Variants in CDC73 observed in about 807,000 individuals in gnomAD.
The protein encoded by CDC73 is cell division cycle 73, also known as parafibromin.
A neutral mutation model predicts 83.7 loss-of-function variants in CDC73; 21 were observed. That is an observed-to-expected ratio of 0.25 (90% CI 0.18 to 0.36). The LOEUF is 0.36. CDC73 is among the 10% of genes least tolerant of loss of function. The pLI is 1.00. For synonymous variants in CDC73, 224 were observed against 212.9 expected (o/e 1.05, Z -0.45); for missense variants, 342 against 653.3 (o/e 0.52, Z 5.19).
intron 15 of CDC73, among the ~76,000 whole-genome samples, chr1:193,244,339 G>C (rs1677914075): frequency 6.6e-6 from 1 of 152,166 alleles, no homozygotes; most frequent in Admixed American, 6.5e-5. Flanking sequence ...AAACTTTCCA[G>C]TGGCTTACTA....
At chr1:193,139,933 G>T (rs1675875394) in intron 6 of CDC73, among the ~76,000 whole-genome samples, 1 of 152,178 alleles carries the variant, frequency 6.6e-6, no homozygotes, top group Admixed American at 6.5e-5. Flanking sequence ...CACTTGGGTG[G>T]TTCTTTATTC....
At chr1:193,166,745 C>G (rs567328476) in intron 10 of CDC73, among the ~76,000 whole-genome samples, 1 of 151,064 alleles carries the variant, frequency 6.6e-6, no homozygotes, top group Non-Finnish European at 1.5e-5. Flanking sequence ...ATACCAGGTT[C>G]AAGCGATTGT....
chr1:193,203,917 A>G (rs1263805918), intron 11 of CDC73, 65 bp downstream of exon 11: 3 of 1,251,260 alleles, frequency 2.4e-6, no homozygotes, highest in African/African-American at 1.5e-5. Context: ...AGTTTTTAGT[A>G]TGCGTATAAT....
At chr1:193,187,610 G>A (rs1010346797) in intron 10 of CDC73, among the ~76,000 whole-genome samples, 4 of 152,230 alleles carry the variant, frequency 2.6e-5, no homozygotes, top group South Asian at 4.1e-4. Context: ...TTCAGTCCTA[G>A]AAAGTTATAG....
At chr1:193,249,973 C>A in intron 16 of CDC73, 102 bp downstream of exon 16, 1 of 1,071,854 alleles carries the variant, frequency 9.3e-7, no homozygotes, top group South Asian at 1.3e-5. Flanking sequence ...TTCCCTAATT[C>A]CCTTCTTTCA....
intron 10 of CDC73, among the ~76,000 whole-genome samples, chr1:193,172,692 A>G (rs1676536004): frequency 6.6e-6 from 1 of 152,148 alleles, no homozygotes; most frequent in Non-Finnish European, 1.5e-5. Context: ...TGAAGACTAC[A>G]GTTACCTGGC....
chr1:193,128,131 A>G (rs1371976007), intron 2 of CDC73: 3 of 152,050 alleles, frequency 2.0e-5, no homozygotes, highest in Non-Finnish European at 4.4e-5. Context: ...CTTAGTTCCT[A>G]TTTTAGTGTG....
intron 9 of CDC73, among the ~76,000 whole-genome samples, chr1:193,151,864 G>A (rs1322098899): frequency 4.6e-5 from 7 of 152,116 alleles, no homozygotes; most frequent in African/African-American, 1.7e-4. Flanking sequence ...GGGGGGATGG[G>A]AGAAGAGGTT....
chr1:193,235,703 A>G (rs890216005), intron 14 of CDC73, among the ~76,000 whole-genome samples: 2 of 152,228 alleles, frequency 1.3e-5, no homozygotes, highest in Non-Finnish European at 2.9e-5. Flanking sequence ...TTGTAAAACA[A>G]TTGCAAAAAT....
intron 10 of CDC73, among the ~76,000 whole-genome samples, chr1:193,176,150 A>G (rs1676598736): frequency 6.6e-6 from 1 of 152,216 alleles, no homozygotes; most frequent in Non-Finnish European, 1.5e-5. Flanking sequence ...GGCTCAGACA[A>G]CATTTTGCAT....
At chr1:193,196,721 A>T (rs1031081234) in intron 10 of CDC73, among the ~76,000 whole-genome samples, 4 of 152,064 alleles carry the variant, frequency 2.6e-5, no homozygotes, top group African/African-American at 9.7e-5. Context: ...TGTAAGTGGA[A>T]TTGTTTTCTT....
chr1:193,218,436 C>CCT (rs752790203), intron 13 of CDC73, among the ~76,000 whole-genome samples: 30 of 152,058 alleles, frequency 2.0e-4, no homozygotes, highest in Admixed American at 6.5e-5. Flanking sequence ...CATATGGAAC[C>CCT]AAAAAGGAGG....
chr1:193,191,037 C>G (rs1302783888), intron 10 of CDC73, among the ~76,000 whole-genome samples: 1 of 152,162 alleles, frequency 6.6e-6, no homozygotes, highest in Admixed American at 6.5e-5. Context: ...CATTGGCTAT[C>G]TGTGTAGGTG....
rs1415018632 is a variant in CDC73, at chr1:193,217,144, C to A, written c.1154+4667C>A. On this transcript the variant is annotated intron_variant, in intron 13 of 16. Coordinates refer to ENST00000367435, the MANE Select transcript of CDC73 (RefSeq NM_024529.5). ...GGGTGTGGCTTGCTTCTTCAATACC[C>A]AGCTGCTGCTGAAACCTCTAGGGGA... Among the ~76,000 whole-genome samples, 5 of 152,128 alleles carry A rather than the reference C, an allele frequency of 3.3e-5. No homozygotes were observed. In the East Asian group the frequency reaches 9.6e-4, roughly 29 times the overall value.
rs141160842 is a variant in CDC73, at chr1:193,252,294, T to G, written c.*1582T>G. On this transcript the variant is annotated 3_prime_UTR_variant, in exon 17 of 17. Transcript: ENST00000367435. ...AAAAGAAAACTCAAATTTGTTTACATTAGGCTTTCTTAGCATATAAATATA... is the reference window on the plus strand; with the variant it reads ...AAAAGAAAACTCAAATTTGTTTACAGTAGGCTTTCTTAGCATATAAATATA... 843 of 230,430 alleles carry G rather than the reference T, an allele frequency of 3.7e-3. 17 individuals are homozygous for G. The highest frequency in any genetic ancestry group is 0.033 in the Admixed American group (580 of 17,708). 14.3% of individuals were successfully genotyped at this position (230,430 alleles called of 1,614,324 possible).
At chr1:193,157,708 G>A (rs549064416) in intron 10 of CDC73, among the ~76,000 whole-genome samples, 6 of 152,162 alleles carry the variant, frequency 3.9e-5, no homozygotes, top group African/African-American at 9.6e-5. Flanking sequence ...TGTTTTGGCC[G>A]TCTAGTTTGA....
intron 10 of CDC73, among the ~76,000 whole-genome samples, chr1:193,169,306 A>G (rs1676482545): frequency 6.6e-6 from 1 of 152,234 alleles, no homozygotes; most frequent in African/African-American, 2.4e-5. Flanking sequence ...GCACTTGGGG[A>G]GGCCAAGGCC....
chr1:193,241,474 G>A (rs188590549), intron 15 of CDC73, among the ~76,000 whole-genome samples: 1 of 152,324 alleles, frequency 6.6e-6, no homozygotes, highest in Admixed American at 6.5e-5. Flanking sequence ...CATCATCTTG[G>A]GTGCCAGCAG....
At chr1:193,180,776 T>G in intron 10 of CDC73, 1 of 1,614,070 alleles carries the variant, frequency 6.2e-7, no homozygotes. Context: ...AACTTATTGA[T>G]TAAATATTCA....
Sources: gnomAD v4.1 joint callset for allele counts (sites outside exome capture counted in the v4.1 genomes callset) on GRCh38, gnomAD v4.1.1 for gene constraint, MANE v1.5 for transcripts, NCBI Gene and HGNC (gene_info 2026-07-23, HGNC 2026-07-21) for gene names.